The following GCC2 variants were observed in gnomAD, a reference collection of about 807,000 sequenced individuals.
The protein encoded by GCC2 is GRIP and coiled-coil domain-containing protein 2.
Under a neutral mutation model 210.6 loss-of-function variants are expected in GCC2, and 120 were observed. The observed-to-expected ratio is 0.57, with a 90% CI of 0.49 to 0.66. GCC2 has a LOEUF of 0.66. Ranked by LOEUF, GCC2 falls within the 30% of genes least tolerant of loss-of-function variation. The probability of loss-of-function intolerance (pLI) is 0.00; values close to 1 mark genes in which losing one functional copy is unlikely to be tolerated. For missense variants in GCC2, 1,868 were observed against 1,871.9 expected, an observed-to-expected ratio of 1.00 and a Z score of 0.04; for synonymous variants, 703 against 652.7, an observed-to-expected ratio of 1.08 and a Z score of -1.17.
chr2:108,508,742 A>G lies in GCC2; in HGVS notation c.*1112A>G, dbSNP rs1486591548. ...GTTCCTCCGAATAACCTTAGGTGGT[A>G]GTGTTACTTGCCTTTGACACCTCTG... On this transcript the variant is annotated 3_prime_UTR_variant, in exon 23 of 23. Transcript: ENST00000309863. 1.3e-5 allele frequency: 2 copies of G among 152,632 alleles called. No individual in the cohort carries two copies. 9.5% of individuals were successfully genotyped at this position (152,632 alleles called of 1,614,324 possible).
intron 7 of GCC2, chr2:108,475,264 C>G: frequency 4.6e-6 from 1 of 216,198 alleles, no homozygotes; most frequent in Non-Finnish European, 9.0e-6. Context: ...AGAAAGAAGT[C>G]CTGAAAGCCT....
intron 10 of GCC2, 114 bp downstream of exon 10, chr2:108,481,930 C>T (rs193190841): frequency 1.4e-6 from 1 of 696,694 alleles, no homozygotes; most frequent in Non-Finnish European, 2.3e-6. Context: ...ATTCCCCCCC[C>T]ACTTTACCCT....
chr2:108,495,567 T>A (rs2104504488), intron 20 of GCC2, 82 bp downstream of exon 20: 1 of 901,826 alleles, frequency 1.1e-6, no homozygotes, highest in East Asian at 2.6e-5. Context: ...TTACATATGC[T>A]TTTTTGGGCT....
At chr2:108,503,518 G>T (rs1008660026) in intron 22 of GCC2, among the ~76,000 whole-genome samples, 8 of 152,152 alleles carry the variant, frequency 5.3e-5, no homozygotes, top group African/African-American at 1.7e-4. Context: ...TGGACTGTCA[G>T]TCTGACTGGT....
intron 22 of GCC2, among the ~76,000 whole-genome samples, chr2:108,506,007 A>G (rs1683166000): frequency 6.6e-6 from 1 of 152,198 alleles, no homozygotes; most frequent in Non-Finnish European, 1.5e-5. Context: ...GAAGGATAAT[A>G]CCAAATTAAA....
intron 19 of GCC2, among the ~76,000 whole-genome samples, 196 bp downstream of exon 19, chr2:108,492,986 A>C (rs1470792047): frequency 6.6e-6 from 1 of 152,228 alleles, no homozygotes. Flanking sequence ...TTATACTTAC[A>C]GAAGTCTGTA....
rs201596826 is a variant in GCC2, at chr2:108,470,220, T to G, written c.891T>G (p.Cys297Trp). Residue 297 changes from cysteine to tryptophan, a missense_variant, in exon 6 of 23, where the codon TGT (cysteine) becomes TGG (tryptophan). Cys to Trp is a radical substitution (Grantham distance 215, BLOSUM62 -2). This residue lies in a region of GCC2 where 1,847 missense variants were observed against 1,765.2 expected (regional missense o/e 1.05). Coordinates refer to ENST00000309863, the MANE Select transcript of GCC2 (RefSeq NM_181453.4). Reference protein sequence around the residue: ...SEKNIQKKYECELENLRKATS... With the variant: ...SEKNIQKKYEWELENLRKATS... Reference sequence around the variant, plus strand: ...AGAACATCCAGAAGAAATATGAATGTGAGTTAGAAAATTTAAGGAAAGCCA... The same window carrying G: ...AGAACATCCAGAAGAAATATGAATGGGAGTTAGAAAATTTAAGGAAAGCCA... 1.3e-4 allele frequency: 209 copies of G among 1,613,258 alleles called. 1 individual carries two copies. Among genetic ancestry groups the G allele is most frequent in the Admixed American group, 7.8e-4 (47 of 59,928 alleles).
chr2:108,477,754 A>G (rs936066352), intron 9 of GCC2, among the ~76,000 whole-genome samples: 1 of 152,214 alleles, frequency 6.6e-6, no homozygotes, highest in Non-Finnish European at 1.5e-5. Flanking sequence ...AACTTTAGAT[A>G]CTAAATTTCG....
At chr2:108,505,652 C>A (rs1683145183) in intron 22 of GCC2, among the ~76,000 whole-genome samples, 1 of 151,968 alleles carries the variant, frequency 6.6e-6, no homozygotes, top group African/African-American at 2.4e-5. Flanking sequence ...TAAATTCTTC[C>A]AACTACCACA....
intron 21 of GCC2, among the ~76,000 whole-genome samples, chr2:108,498,183 C>CTTTTTTTTTTTTTTTTTTTTTTTTT (rs3084885): frequency 1.0e-4 from 6 of 57,468 alleles, no homozygotes; most frequent in African/African-American, 1.5e-4. Flanking sequence ...GTTATATTTT[C>CTTTTTTTTTTTTTTTTTTTTTTTTT]TTTTTTTTTT....
chr2:108,493,744 T>C (rs1004810302), intron 19 of GCC2: 22 of 985,104 alleles, frequency 2.2e-5, no homozygotes, highest in African/African-American at 5.3e-5. Context: ...CTTATTAGGG[T>C]AAAAAAGCAA....
At position 108,485,735 on chromosome 2, in the gene GCC2, C is replaced by T; in HGVS notation, c.3713C>T (p.Ala1238Val). The change falls in exon 14 of 23, where the codon GCA becomes GTA. Residue 1238 changes from alanine (A) to valine (V), a missense_variant and splice_region_variant. Transcript: ENST00000309863. ...AAGGAACTGGCAGATTCAAAGCAAG[C>T]AGTATGTTAATTTTTCAGTTTCATA... Reference protein sequence around the residue: ...TKKELADSKQAETDHLILQAS... With the variant: ...TKKELADSKQVETDHLILQAS... 1 of 1,563,328 alleles carries T rather than the reference C, an allele frequency of 6.4e-7. No homozygotes were observed. The highest frequency in any genetic ancestry group is 8.7e-7 in the Non-Finnish European group (1 of 1,152,100).
chr2:108,476,979 T>G (rs1223044284), intron 9 of GCC2, among the ~76,000 whole-genome samples: 1 of 152,170 alleles, frequency 6.6e-6, no homozygotes, highest in Non-Finnish European at 1.5e-5. Context: ...TGAGAAGTTT[T>G]GGCACTTAAT....
At chr2:108,472,213 A>G in intron 6 of GCC2, 97 bp downstream of exon 6, 1 of 843,364 alleles carries the variant, frequency 1.2e-6, no homozygotes, top group Non-Finnish European at 1.7e-6. Flanking sequence ...TCAAAAGTAA[A>G]TTTTTACCAT....
intron 4 of GCC2, among the ~76,000 whole-genome samples, chr2:108,460,395 A>G (rs1037249321): frequency 7.9e-5 from 12 of 152,080 alleles, no homozygotes; most frequent in Non-Finnish European, 1.5e-4. Context: ...TTTCTGTCAT[A>G]TTAACGGTTT....
Position 108,482,347 on chromosome 2 carries a change from A to G in GCC2, c.3241A>G (p.Asn1081Asp). 6.3e-7 allele frequency: 1 copy of G among 1,583,760 alleles called. No individual in the cohort carries two copies. Among genetic ancestry groups the G allele is most frequent in the Non-Finnish European group, 8.7e-7 (1 of 1,152,808 alleles). ...GGCTCGTATTGAGACATTACAGTCT[A>G]ATGCCAAATTATTAGAAGTACAGAT... ...LLARIETLQS[N>D]AKLLEVQILE... Residue 1081 changes from asparagine (N) to aspartate (D), a missense_variant, in exon 11 of 23, where the codon AAT becomes GAT. This residue lies in a region of GCC2 where 1,847 missense variants were observed against 1,765.2 expected (regional missense o/e 1.05). Coordinates refer to ENST00000309863, the MANE Select transcript of GCC2 (RefSeq NM_181453.4).
At chr2:108,482,037 TGGGG>T (rs1251101389) in intron 10 of GCC2, among the ~76,000 whole-genome samples, 2 of 152,078 alleles carry the variant, frequency 1.3e-5, no homozygotes, top group Admixed American at 6.6e-5. Context: ...TTTGTTTGTT[TGGGG>T]GTTTGTTTGT....
chr2:108,486,428 C>G (rs1249127418), intron 15 of GCC2, 83 bp from the exon 16 acceptor site: 1 of 1,357,636 alleles, frequency 7.4e-7, no homozygotes, highest in South Asian at 1.2e-5. Flanking sequence ...ATGTCTCAAA[C>G]CTAAAGTTTG....
chr2:108,476,722 A>C (rs955839641), intron 9 of GCC2, among the ~76,000 whole-genome samples: 2 of 152,234 alleles, frequency 1.3e-5, no homozygotes, highest in African/African-American at 2.4e-5. Context: ...AGCAAATGTT[A>C]TGTGGCAGAC....
Sources: gnomAD v4.1 joint callset for allele counts (sites outside exome capture counted in the v4.1 genomes callset) on GRCh38, gnomAD v4.1.1 for gene constraint, gnomAD v4.1.1 regional missense constraint, MANE v1.5 for transcripts, NCBI Gene and HGNC (gene_info 2026-07-23, HGNC 2026-07-21) for gene names.